Variants in SH3BGR observed in about 807,000 individuals in gnomAD.
SH3BGR encodes SH3 domain-binding glutamic acid-rich protein.
In SH3BGR, 29 loss-of-function variants were observed where a neutral mutation model predicts 24.5. The ratio of observed to expected loss-of-function variants is 1.18; its 90% CI spans 0.88 to 1.61. The LOEUF (loss-of-function observed/expected upper bound fraction) is 1.61, where lower values mean the gene tolerates loss of function less well. Ranked by LOEUF, SH3BGR falls within the 40% of genes most tolerant of loss-of-function variation. The pLI is 0.00. For synonymous variants in SH3BGR, 55 were observed against 65.7 expected (o/e 0.84, Z 0.79); for missense variants, 162 against 205.8 (o/e 0.79, Z 1.30).
In SH3BGR at chr21:39,455,853, G is replaced by T. The variant is rs543018178; in HGVS notation, c.45+3712G>T. 4.6e-5 allele frequency among the ~76,000 whole-genome samples: 7 copies of T among 152,168 alleles called. No individual in the cohort carries two copies. In the South Asian group the frequency reaches 6.2e-4, roughly 14 times the overall value. On this transcript the variant is annotated intron_variant, in intron 1 of 6. Coordinates refer to ENST00000333634, the MANE Select transcript of SH3BGR (RefSeq NM_007341.3). ...TGACTAGTGTTTGGGGGATTACAGG[G>T]GGCAAACAGATTTCATTTTTCTTCT...
At chr21:39,478,114 G>T (rs372174646) in intron 3 of SH3BGR, among the ~76,000 whole-genome samples, 1 of 151,950 alleles carries the variant, frequency 6.6e-6, no homozygotes, top group East Asian at 1.9e-4. Context: ...AGACTATTTT[G>T]CTATAAAAGA....
Position 39,511,443 on chromosome 21 carries a change from C to T in SH3BGR, c.436-237C>T, listed in dbSNP as rs1569178773. On this transcript the variant is annotated intron_variant, in intron 5 of 6. Transcript: ENST00000333634. The surrounding 1 kb of genome is among the most constrained non-coding windows in gnomAD (Gnocchi z 4.2). ...GTGGGGGGGTGTGTGTGCTGTGTGTCATGTGTGTTTCCGTGGTGTGTGTGT... is the reference window on the plus strand; with the variant it reads ...GTGGGGGGGTGTGTGTGCTGTGTGTTATGTGTGTTTCCGTGGTGTGTGTGT... Among the ~76,000 whole-genome samples, 1 of 132,320 alleles carries T rather than the reference C, an allele frequency of 7.6e-6. No homozygotes were observed. The highest frequency in any genetic ancestry group is 2.9e-5 in the African/African-American group (1 of 34,446). The allele number at this position is 132,320 out of a possible 152,430, so 86.8% of individuals were successfully genotyped here. A position where few individuals can be genotyped will look rare whatever the true frequency, so the allele number is the denominator to read the frequency against.
At chr21:39,467,443 T>C (rs955797980) in intron 2 of SH3BGR, among the ~76,000 whole-genome samples, 5 of 152,222 alleles carry the variant, frequency 3.3e-5, no homozygotes, top group Non-Finnish European at 7.4e-5. Flanking sequence ...GTTTACCTTA[T>C]GAGAAGCTTT....
At chr21:39,478,356 T>A (rs1223751670) in intron 3 of SH3BGR, among the ~76,000 whole-genome samples, 1 of 152,192 alleles carries the variant, frequency 6.6e-6, no homozygotes, top group Non-Finnish European at 1.5e-5. Flanking sequence ...CATCATCTCT[T>A]CCCACTTCCA....
chr21:39,468,110 C>A (rs1417783978), intron 2 of SH3BGR, among the ~76,000 whole-genome samples: 1 of 152,164 alleles, frequency 6.6e-6, no homozygotes, highest in African/African-American at 2.4e-5. Context: ...CAAAGAAGAC[C>A]TAGATCGTTC....
chr21:39,509,038 CCAT>C lies in SH3BGR; in HGVS notation c.435+13_435+15del, dbSNP rs1276669209. On this transcript the variant is annotated intron_variant, in intron 5 of 6. Coordinates refer to ENST00000333634, the MANE Select transcript of SH3BGR (RefSeq NM_007341.3). Reference sequence around the variant, plus strand: ...ACAGCCACAGAAGAGGTACGGTCGACCATCTTTAACAGCTGTGCTTAATCTGCT... The same window carrying C: ...ACAGCCACAGAAGAGGTACGGTCGACCTTTAACAGCTGTGCTTAATCTGCT... The C allele has an allele frequency of 1.9e-6, 3 of 1,603,714 alleles. No individual in the cohort carries two copies. The highest frequency in any genetic ancestry group is 2.6e-6 in the Non-Finnish European group (3 of 1,173,508).
At chr21:39,498,026 G>A (rs917748705) in intron 3 of SH3BGR, among the ~76,000 whole-genome samples, 7 of 152,118 alleles carry the variant, frequency 4.6e-5, no homozygotes, top group East Asian at 1.9e-4. Context: ...ATAAATTATC[G>A]TATATTTAAT....
intron 3 of SH3BGR, among the ~76,000 whole-genome samples, chr21:39,478,646 TC>T (rs1270635903): frequency 1.3e-5 from 2 of 152,190 alleles, no homozygotes; most frequent in African/African-American, 4.8e-5. Context: ...TTTTTGGAAT[TC>T]TTCTTATTTA....
rs555440603 is a variant in SH3BGR at position 39,509,890 on chromosome 21, A to G, written c.435+863A>G. Among the ~76,000 whole-genome samples, 4 of 152,324 alleles carry G rather than the reference A, an allele frequency of 2.6e-5. No homozygotes were observed. The East Asian group carries it at 7.7e-4, about 29-fold the overall frequency. ...TAGATGTTTCAGCACAAGGTCATCA[A>G]CATTAAAAAGGGTCCCAAATGTCAA... On this transcript the variant is annotated intron_variant, in intron 5 of 6. Transcript: ENST00000333634.
chr21:39,503,981 A>T (rs1239703762), intron 4 of SH3BGR, among the ~76,000 whole-genome samples: 1 of 152,246 alleles, frequency 6.6e-6, no homozygotes, highest in Non-Finnish European at 1.5e-5. Flanking sequence ...AGGAAAACAG[A>T]AAGTCAGCTC....
At chr21:39,479,496 TG>T (rs974485017) in intron 3 of SH3BGR, among the ~76,000 whole-genome samples, 35 of 151,500 alleles carry the variant, frequency 2.3e-4, no homozygotes, top group Non-Finnish European at 1.9e-4. Flanking sequence ...GTAGTGGAGG[TG>T]GGGGTGATGG....
Position 39,511,566 on chromosome 21 carries a change from G to T in SH3BGR, c.436-114G>T. On this transcript the variant is annotated intron_variant, in intron 5 of 6. Transcript: ENST00000333634. This position sits in a 1 kb window ranked among gnomAD's most constrained non-coding sequence, Gnocchi z 4.2. ...TGTTGTGTGTGTTTGTTTGTGTGTTGTGTGGTGGGGTGTGGGAGGCTTTGA... is the reference window on the plus strand; with the variant it reads ...TGTTGTGTGTGTTTGTTTGTGTGTTTTGTGGTGGGGTGTGGGAGGCTTTGA... The T allele has an allele frequency of 2.3e-6, 2 of 883,376 alleles. No individual in the cohort carries two copies. Among genetic ancestry groups the T allele is most frequent in the Non-Finnish European group, 3.5e-6 (2 of 570,286 alleles). The allele number at this position is 883,376 out of a possible 1,614,324, so 54.7% of individuals were successfully genotyped here. A position where few individuals can be genotyped will look rare whatever the true frequency, so the allele number is the denominator to read the frequency against.
At chr21:39,509,974 G>A (rs1387429180) in intron 5 of SH3BGR, among the ~76,000 whole-genome samples, 3 of 125,756 alleles carry the variant, frequency 2.4e-5, no homozygotes, top group African/African-American at 1.1e-4. Flanking sequence ...ACGGAGTCCC[G>A]CTGTTTAGCC....
intron 3 of SH3BGR, among the ~76,000 whole-genome samples, chr21:39,493,468 G>T (rs1205864330): frequency 6.6e-6 from 1 of 152,146 alleles, no homozygotes; most frequent in Non-Finnish European, 1.5e-5. Context: ...TGTTTCATTG[G>T]TCTATGTGCC....
At chr21:39,488,964 A>C (rs2078255162) in intron 3 of SH3BGR, among the ~76,000 whole-genome samples, 1 of 152,190 alleles carries the variant, frequency 6.6e-6, no homozygotes, top group Admixed American at 6.5e-5. Flanking sequence ...CCCCCAACCC[A>C]AAACCCTCAA....
chr21:39,504,536 G>C (rs1469376594), intron 4 of SH3BGR, among the ~76,000 whole-genome samples: 1 of 152,178 alleles, frequency 6.6e-6, no homozygotes, highest in African/African-American at 2.4e-5. Flanking sequence ...AACAAAAATA[G>C]CTGCTGTGGA....
chr21:39,502,041 C>T (rs1341362408), intron 4 of SH3BGR, among the ~76,000 whole-genome samples: 5 of 152,192 alleles, frequency 3.3e-5, no homozygotes, highest in South Asian at 2.1e-4. Flanking sequence ...GCTGTGATGG[C>T]GCACGCCTGT....
chr21:39,457,521 T>TA (rs2077681767), intron 1 of SH3BGR, among the ~76,000 whole-genome samples: 1 of 146,542 alleles, frequency 6.8e-6, no homozygotes, highest in Non-Finnish European at 1.5e-5. Context: ...TATTATATAG[T>TA]TATATATAAA....
chr21:39,463,510 G>A (rs2148463247), intron 2 of SH3BGR, among the ~76,000 whole-genome samples: 1 of 152,326 alleles, frequency 6.6e-6, no homozygotes, highest in South Asian at 2.1e-4. Context: ...TGAAGTAGAG[G>A]GAATGTCTCA....
Sources: allele counts gnomAD v4.1 joint callset (sites outside exome capture counted in the v4.1 genomes callset), GRCh38; gene constraint gnomAD v4.1.1; non-coding constraint Gnocchi (gnomAD v3.1); transcripts MANE v1.5; gene names NCBI Gene and HGNC (gene_info 2026-07-23, HGNC 2026-07-21).